The following GLIS1 variants were observed in gnomAD, a reference collection of about 807,000 sequenced individuals.
GLIS1 encodes zinc finger protein GLIS1.
GLIS1 carries 24 observed loss-of-function variants against 63.8 expected under a neutral mutation model. The observed-to-expected ratio is 0.38, with a 90% confidence interval of 0.27 to 0.53. The LOEUF (loss-of-function observed/expected upper bound fraction) is 0.53, where lower values mean the gene tolerates loss of function less well. Among genes scored for constraint, GLIS1 ranks in the 20% least tolerant of loss-of-function variants. The pLI is 0.85. For missense variants in GLIS1, 1,036 were observed against 1,074.1 expected, an observed-to-expected ratio of 0.96 and a Z score of 0.50; for synonymous variants, 450 against 482.5, an observed-to-expected ratio of 0.93 and a Z score of 0.88.
intron 2 of GLIS1, 63 bp from the exon 3 acceptor site, chr1:53,600,341 G>A: frequency 1.8e-6 from 2 of 1,092,376 alleles, no homozygotes; most frequent in Non-Finnish European, 1.2e-6. Flanking sequence ...AGAGGGGTAT[G>A]GGGAGAGGGC....
intron 4 of GLIS1, among the ~76,000 whole-genome samples, chr1:53,586,058 G>A (rs1245916146): frequency 6.6e-6 from 1 of 152,148 alleles, no homozygotes; most frequent in Non-Finnish European, 1.5e-5. Context: ...TCCATCTGGG[G>A]ACTCAGTCTC....
intron 4 of GLIS1, among the ~76,000 whole-genome samples, chr1:53,537,160 G>A (rs899575059): frequency 6.6e-6 from 1 of 152,212 alleles, no homozygotes. Flanking sequence ...CTCGCCTCTG[G>A]GCCAAGCCCA....
chr1:53,616,989 A>T (rs1645489393), intron 2 of GLIS1, among the ~76,000 whole-genome samples: 1 of 152,004 alleles, frequency 6.6e-6, no homozygotes, highest in South Asian at 2.1e-4. Context: ...TCCTCCAGGA[A>T]GATTTCCCTG....
chr1:53,662,592 G>A (rs1371416136), intron 2 of GLIS1, among the ~76,000 whole-genome samples: 1 of 152,064 alleles, frequency 6.6e-6, no homozygotes, highest in Non-Finnish European at 1.5e-5. Flanking sequence ...TCAGCCTCCT[G>A]GTTTGGAGGC....
intron 4 of GLIS1, among the ~76,000 whole-genome samples, chr1:53,545,022 T>C (rs1644683733): frequency 6.6e-6 from 1 of 152,222 alleles, no homozygotes; most frequent in Non-Finnish European, 1.5e-5. Context: ...TGCAGGCCCC[T>C]GGATCCTTAG....
At chr1:53,705,751 C>A (rs1166103766) in intron 2 of GLIS1, among the ~76,000 whole-genome samples, 1 of 152,156 alleles carries the variant, frequency 6.6e-6, no homozygotes, top group Non-Finnish European at 1.5e-5. Context: ...GTGAGGGGAG[C>A]CTTCCATCCC....
At chr1:53,723,565 T>C (rs982344810) in intron 2 of GLIS1, among the ~76,000 whole-genome samples, 4 of 152,078 alleles carry the variant, frequency 2.6e-5, no homozygotes, top group Non-Finnish European at 4.4e-5. Context: ...AAGACTATAT[T>C]CAGAATGATC....
At chr1:53,553,159 G>A (rs1363768860) in intron 4 of GLIS1, among the ~76,000 whole-genome samples, 2 of 151,730 alleles carry the variant, frequency 1.3e-5, no homozygotes, top group Non-Finnish European at 2.9e-5. Flanking sequence ...CAGCCTTGGC[G>A]AGCACACATT....
At chr1:53,569,934 C>G (rs1323822061) in intron 4 of GLIS1, among the ~76,000 whole-genome samples, 3 of 151,896 alleles carry the variant, frequency 2.0e-5, no homozygotes, top group Non-Finnish European at 1.5e-5. Flanking sequence ...TAGAAAGTCA[C>G]AAAGAACATG....
At chr1:53,571,244 T>C (rs1398714028) in intron 4 of GLIS1, among the ~76,000 whole-genome samples, 2 of 152,228 alleles carry the variant, frequency 1.3e-5, no homozygotes, top group Admixed American at 6.5e-5. Flanking sequence ...CATAGTTACA[T>C]AACATTTTTG....
chr1:53,678,265 C>T (rs574486143), intron 2 of GLIS1, among the ~76,000 whole-genome samples: 2 of 146,536 alleles, frequency 1.4e-5, no homozygotes, highest in Admixed American at 1.5e-4. Flanking sequence ...CCCCCTTGCA[C>T]GAAGAACCTC....
chr1:53,629,796 C>T (rs992430908), intron 2 of GLIS1, among the ~76,000 whole-genome samples: 1 of 152,202 alleles, frequency 6.6e-6, no homozygotes, highest in African/African-American at 2.4e-5. Flanking sequence ...CTGTCTGTCC[C>T]ACTTGAATAC....
At chr1:53,716,905 C>T (rs774932139) in intron 2 of GLIS1, among the ~76,000 whole-genome samples, 42 of 152,172 alleles carry the variant, frequency 2.8e-4, no homozygotes, top group Non-Finnish European at 5.0e-4. Flanking sequence ...TCTAGCCCAA[C>T]GAATGGGAAA....
intron 2 of GLIS1, among the ~76,000 whole-genome samples, chr1:53,616,585 T>C (rs895060521): frequency 3.3e-5 from 5 of 152,124 alleles, no homozygotes; most frequent in Non-Finnish European, 5.9e-5. Context: ...GATGCCCAGC[T>C]CTGGACAGGA....
At chr1:53,643,238 C>A (rs994899022) in intron 2 of GLIS1, among the ~76,000 whole-genome samples, 1 of 152,188 alleles carries the variant, frequency 6.6e-6, no homozygotes, top group African/African-American at 2.4e-5. Flanking sequence ...ACACTTGGGC[C>A]GCTTCTCTCC....
chr1:53,584,707 TCTC>T (rs1379708473), intron 4 of GLIS1, among the ~76,000 whole-genome samples: 12 of 152,030 alleles, frequency 7.9e-5, no homozygotes, highest in Non-Finnish European at 1.8e-4. Flanking sequence ...AAGGGCCTCT[TCTC>T]CTCAGCATCT....
chr1:53,709,990 A>G (rs189522925), intron 2 of GLIS1, among the ~76,000 whole-genome samples: 14 of 152,308 alleles, frequency 9.2e-5, no homozygotes, highest in African/African-American at 3.4e-4. Context: ...CAGGTGGGGT[A>G]AAGTACAAGT....
intron 5 of GLIS1, among the ~76,000 whole-genome samples, chr1:53,529,205 G>A (rs1379232691): frequency 6.6e-6 from 1 of 152,220 alleles, no homozygotes; most frequent in Non-Finnish European, 1.5e-5. Context: ...GCAAACAAGG[G>A]AAGGAAGGTG....
chr1:53,686,406 T>C (rs969821034), intron 2 of GLIS1, among the ~76,000 whole-genome samples: 1 of 152,184 alleles, frequency 6.6e-6, no homozygotes, highest in Non-Finnish European at 1.5e-5. Context: ...TTTGTTCTCA[T>C]CCGCAGTGCT....
Sources: gnomAD v4.1 joint callset for allele counts (sites outside exome capture counted in the v4.1 genomes callset) on GRCh38, gnomAD v4.1.1 for gene constraint, MANE v1.5 for transcripts, NCBI Gene and HGNC (gene_info 2026-07-23, HGNC 2026-07-21) for gene names.